Variants in MBD5 observed in about 807,000 individuals in gnomAD.
MBD5 encodes methyl-CpG-binding domain protein 5.
In MBD5, 13 loss-of-function variants were observed where a neutral mutation model predicts 117.3. The observed-to-expected ratio is 0.11, with a 90% CI of 0.07 to 0.18. The LOEUF (loss-of-function observed/expected upper bound fraction) is 0.18, where lower values mean the gene tolerates loss of function less well. MBD5 is among the 10% of genes least tolerant of loss of function. The pLI, the probability that MBD5 is intolerant of heterozygous loss-of-function variation, is 1.00. For synonymous variants in MBD5, 727 were observed against 766.4 expected, an observed-to-expected ratio of 0.95 and a Z score of 0.85; for missense variants, 1,879 against 2,093.8, an observed-to-expected ratio of 0.90 and a Z score of 2.00.
At chr2:148,173,829 TGAA>T in intron 1 of MBD5, among the ~76,000 whole-genome samples, 1 of 152,346 alleles carries the variant, frequency 6.6e-6, no homozygotes, top group African/African-American at 2.4e-5. Context: ...GTTTATGCAT[TGAA>T]GAAACTAATA....
intron 4 of MBD5, among the ~76,000 whole-genome samples, chr2:148,382,161 G>A (rs567647172): frequency 1.6e-4 from 17 of 109,556 alleles, no homozygotes; most frequent in Non-Finnish European, 2.5e-4. Flanking sequence ...GACACAGACT[G>A]GCAAATTGGA....
chr2:148,303,099 C>T lies in MBD5; in HGVS notation c.-679-39115C>T, dbSNP rs930170365. On this transcript the variant is annotated intron_variant, in intron 3 of 13. Transcript: ENST00000642680. ...TTGCAGATTGCCAGATTGCTAATGG[C>T]CAGCAAAATAATTGGAGCTGCTATT... Among the ~76,000 whole-genome samples, 4 of 151,924 alleles carry T rather than the reference C, an allele frequency of 2.6e-5. 1 individual carries two copies. In the East Asian group the frequency reaches 5.8e-4, roughly 22 times the overall value.
At chr2:148,378,758 A>G (rs1251415343) in intron 4 of MBD5, among the ~76,000 whole-genome samples, 1 of 152,074 alleles carries the variant, frequency 6.6e-6, no homozygotes, top group Admixed American at 6.6e-5. Flanking sequence ...AGAATTTGGT[A>G]TAGCTTCAAT....
chr2:148,201,813 G>T (rs1453129282), intron 2 of MBD5, among the ~76,000 whole-genome samples: 2 of 152,126 alleles, frequency 1.3e-5, no homozygotes, highest in African/African-American at 2.4e-5. Context: ...GGCTCAGACT[G>T]GGGGAGTGTG....
At chr2:148,122,964 A>T (rs1317888073) in intron 1 of MBD5, among the ~76,000 whole-genome samples, 1 of 152,210 alleles carries the variant, frequency 6.6e-6, no homozygotes, top group African/African-American at 2.4e-5. Context: ...TGACTTAGCC[A>T]AAGGCAGAGA....
At chr2:148,383,184 A>T (rs979635792) in intron 4 of MBD5, among the ~76,000 whole-genome samples, 2 of 152,186 alleles carry the variant, frequency 1.3e-5, no homozygotes, top group Non-Finnish European at 2.9e-5. Context: ...TTTTGAAAAG[A>T]TCACCAAAAT....
Position 148,469,780 on chromosome 2 carries a change from A to G in MBD5, c.1837A>G (p.Asn613Asp), listed in dbSNP as rs398124341. 2.0e-5 allele frequency: 32 copies of G among 1,614,006 alleles called. No individual in the cohort carries two copies. The highest frequency in any genetic ancestry group is 2.7e-5 in the Non-Finnish European group (32 of 1,179,894). ...TTCTGGAGCTGTTGCCGGCAGTGGC[A>G]ACACTGAAGGACATAGCACTTTAAA... ...SNSGAVAGSG[N>D]TEGHSTLNTM... Residue 613 changes from asparagine to aspartate, a missense_variant, in exon 8 of 14, where the codon AAC (asparagine) becomes GAC (aspartate). Asn to Asp is a conservative substitution (Grantham distance 23, BLOSUM62 1). Transcript: ENST00000642680.
chr2:148,474,131 G>A (rs576816087), intron 8 of MBD5, among the ~76,000 whole-genome samples: 2 of 152,122 alleles, frequency 1.3e-5, no homozygotes, highest in South Asian at 4.1e-4. Flanking sequence ...TTTAAAGAGA[G>A]ATGCATTTCA....
chr2:148,296,771 A>G (rs1248252605), intron 3 of MBD5: 3 of 150,404 alleles, frequency 2.0e-5, no homozygotes, highest in Admixed American at 6.6e-5. Context: ...TTTTTTTACA[A>G]TTTCTGTCTC....
chr2:148,383,751 G>A (rs547963039), intron 4 of MBD5, among the ~76,000 whole-genome samples: 45 of 152,160 alleles, frequency 3.0e-4, no homozygotes, highest in Non-Finnish European at 5.4e-4. Flanking sequence ...ACATCAAAAA[G>A]CTTATCCACC....
chr2:148,451,513 A>C (rs1335402195), intron 4 of MBD5, among the ~76,000 whole-genome samples: 3 of 152,148 alleles, frequency 2.0e-5, no homozygotes, highest in Non-Finnish European at 2.9e-5. Flanking sequence ...AAAGATAATT[A>C]GAAAGGGGAA....
rs1703459903 is a variant in MBD5 at position 148,359,134 on chromosome 2, C to G, written c.-557+16798C>G. Among the ~76,000 whole-genome samples the G allele has an allele frequency of 4.6e-5, 7 of 151,910 alleles. 1 individual carries two copies. The South Asian group carries it at 1.5e-3, about 32-fold the overall frequency. ...AAAATTAGCCAGGCTTGGTGGCACC[C>G]TGCACGCCTGTAGTCCCAGCTATTT... On this transcript the variant is annotated intron_variant, in intron 4 of 13. Transcript: ENST00000642680.
intron 3 of MBD5, among the ~76,000 whole-genome samples, chr2:148,281,641 T>C (rs897411929): frequency 5.3e-5 from 8 of 152,152 alleles, no homozygotes; most frequent in African/African-American, 1.9e-4. Context: ...CTCGAGTGCT[T>C]TGGAAATCAT....
intron 4 of MBD5, among the ~76,000 whole-genome samples, chr2:148,344,226 A>C (rs2972231): frequency 6.6e-6 from 1 of 152,012 alleles, no homozygotes; most frequent in Non-Finnish European, 1.5e-5. Context: ...GCATTATAGT[A>C]TAGTTTGAAG....
chr2:148,232,707 C>T (rs1700018796), intron 2 of MBD5, among the ~76,000 whole-genome samples: 1 of 149,610 alleles, frequency 6.7e-6, no homozygotes, highest in Non-Finnish European at 1.5e-5. Flanking sequence ...TGTATAGATA[C>T]TTTTTAATAA....
intron 4 of MBD5, among the ~76,000 whole-genome samples, chr2:148,358,073 T>C (rs1326432204): frequency 1.3e-5 from 2 of 152,212 alleles, no homozygotes; most frequent in Non-Finnish European, 2.9e-5. Flanking sequence ...CATCTGTTAA[T>C]GGCCCATCCT....
chr2:148,447,210 A>G (rs111551713), intron 4 of MBD5, among the ~76,000 whole-genome samples: 1 of 131,408 alleles, frequency 7.6e-6, no homozygotes, highest in African/African-American at 3.0e-5. Flanking sequence ...AAAGAAAGAA[A>G]GAAAGAAAGA....
chr2:148,422,166 C>G (rs1240137040), intron 4 of MBD5, among the ~76,000 whole-genome samples: 1 of 152,148 alleles, frequency 6.6e-6, no homozygotes, highest in Non-Finnish European at 1.5e-5. Flanking sequence ...GGCTGACAGA[C>G]ACCTCATACA....
chr2:148,080,964 G>A (rs1330609354), intron 1 of MBD5, among the ~76,000 whole-genome samples: 1 of 152,050 alleles, frequency 6.6e-6, no homozygotes, highest in East Asian at 1.9e-4. Context: ...TGCAATATAG[G>A]AAGCTAAGAT....
Sources: gnomAD v4.1 joint callset for allele counts (sites outside exome capture counted in the v4.1 genomes callset) on GRCh38, gnomAD v4.1.1 for gene constraint, MANE v1.5 for transcripts, NCBI Gene and HGNC (gene_info 2026-07-23, HGNC 2026-07-21) for gene names.